The following MED12L variants were observed in gnomAD, a reference collection of about 807,000 sequenced individuals.
The protein encoded by MED12L is mediator complex subunit 12L, also known as mediator of RNA polymerase II transcription subunit 12-like protein.
In MED12L, 60 loss-of-function variants were observed where a neutral mutation model predicts 281.3. The observed-to-expected ratio is 0.21, with a 90% CI of 0.17 to 0.26. The LOEUF is 0.26. Ranked by LOEUF, MED12L falls within the 10% of genes least tolerant of loss-of-function variation. The probability of loss-of-function intolerance (pLI) is 1.00; values close to 1 mark genes in which losing one functional copy is unlikely to be tolerated. For synonymous variants in MED12L, 974 were observed against 987.2 expected (o/e 0.99, Z 0.25); for missense variants, 2,146 against 2,680.9 (o/e 0.80, Z 4.41).
intron 16 of MED12L, among the ~76,000 whole-genome samples, chr3:151,195,167 T>G (rs546136527): frequency 6.6e-6 from 1 of 152,162 alleles, no homozygotes; most frequent in South Asian, 2.1e-4. Flanking sequence ...TGTCTCAAAA[T>G]AGAAAAAGTA....
rs187557159 is a variant in MED12L, at chr3:151,115,505, C to T, written c.100-833C>T. Among the ~76,000 whole-genome samples the T allele has an allele frequency of 4.4e-4, 67 of 151,478 alleles. No individual in the cohort carries two copies. In the East Asian group the frequency reaches 8.8e-3, roughly 20 times the overall value. ...CTGGGATCACAGGCACCTGCCACCA[C>T]GCCCAGCTAATTTTTGTTTTTAGTA... On this transcript the variant is annotated intron_variant, in intron 2 of 44. Coordinates refer to ENST00000687756, the MANE Select transcript of MED12L (RefSeq NM_001393769.1).
intron 14 of MED12L, among the ~76,000 whole-genome samples, chr3:151,191,524 A>G (rs1428077880): frequency 6.6e-6 from 1 of 152,192 alleles, no homozygotes; most frequent in Non-Finnish European, 1.5e-5. Context: ...ATTGTTCCAG[A>G]TACTTACTGA....
intron 39 of MED12L, among the ~76,000 whole-genome samples, chr3:151,403,905 A>G (rs1715992468): frequency 6.6e-6 from 1 of 152,210 alleles, no homozygotes; most frequent in African/African-American, 2.4e-5. Flanking sequence ...CTTTTCTGAA[A>G]AGACTCAGTT....
In MED12L at chr3:151,190,832, T is replaced by C; in HGVS notation, c.1869T>C (p.Ser623=). ...ACGCATACATGTGTACCCTCATATC[T>C]CGAGGAGATTTGTCAGTCACTGCCT... ...SHDAYMCTLI[S]RGDLSVTAST... is the part of the protein sequence containing the mutation. The change falls in exon 14 of 45, where the codon TCT becomes TCC. Residue 623 remains serine, a synonymous_variant. Coordinates refer to ENST00000687756, the MANE Select transcript of MED12L (RefSeq NM_001393769.1). The C allele has an allele frequency of 6.2e-7, 1 of 1,614,174 alleles. No homozygotes were observed. The highest frequency in any genetic ancestry group is 8.5e-7 in the Non-Finnish European group (1 of 1,180,028).
At chr3:151,355,762 A>G in intron 18 of MED12L, 134 bp from the exon 19 acceptor site, 1 of 663,040 alleles carries the variant, frequency 1.5e-6, no homozygotes, top group Non-Finnish European at 2.4e-6. Context: ...TAGTTTCTAT[A>G]GAAACACGTT....
intron 16 of MED12L, among the ~76,000 whole-genome samples, chr3:151,225,380 A>G (rs1730285781): frequency 6.6e-6 from 1 of 152,198 alleles, no homozygotes; most frequent in Non-Finnish European, 1.5e-5. Context: ...CTGAAGCTCA[A>G]GATGGAGGGG....
chr3:151,365,308 C>G (rs528197322), intron 22 of MED12L, 102 bp downstream of exon 22: 40 of 916,926 alleles, frequency 4.4e-5, no homozygotes, highest in Admixed American at 8.6e-5. Flanking sequence ...TCACATTTGG[C>G]TATCATTTGC....
chr3:151,432,746 C>G lies in MED12L; in HGVS notation c.6491-6C>G, dbSNP rs758337755. 6.2e-7 allele frequency: 1 copy of G among 1,611,792 alleles called. No individual in the cohort carries two copies. Reference sequence around the variant, plus strand: ...TAATTTTGGTTCAATTTATTTTTCTCCTTAGGCAACCAGCCACAGCAAGGA... The same window carrying G: ...TAATTTTGGTTCAATTTATTTTTCTGCTTAGGCAACCAGCCACAGCAAGGA... On this transcript the variant is annotated splice_polypyrimidine_tract_variant and splice_region_variant and intron_variant, in intron 44 of 44. Coordinates refer to ENST00000687756, the MANE Select transcript of MED12L (RefSeq NM_001393769.1).
At position 151,191,074 on chromosome 3, in the gene MED12L, G is replaced by A. The variant is rs920061711; in HGVS notation, c.1968+143G>A. The A allele has an allele frequency of 5.9e-6, 4 of 676,708 alleles. No homozygotes were observed. In the Admixed American group the frequency reaches 8.7e-5, roughly 15 times the overall value. 41.9% of individuals were successfully genotyped at this position (676,708 alleles called of 1,614,324 possible). On this transcript the variant is annotated intron_variant, in intron 14 of 44. Transcript: ENST00000687756. The stretch of plus-strand genomic sequence containing the variant: ...CAGTGGTTGTTTATCTCTACTTCTC[G>A]AGCAGGAAAGATATTTACACTGTAG...
At chr3:151,383,049 T>C (rs577101005) in intron 33 of MED12L, among the ~76,000 whole-genome samples, 2 of 152,250 alleles carry the variant, frequency 1.3e-5, no homozygotes, top group African/African-American at 2.4e-5. Context: ...AAGACTGTTA[T>C]AAGTGTTAGC....
chr3:151,403,840 C>T (rs1293264599), intron 39 of MED12L, among the ~76,000 whole-genome samples: 2 of 152,100 alleles, frequency 1.3e-5, no homozygotes, highest in Non-Finnish European at 2.9e-5. Flanking sequence ...TTATTTAATA[C>T]TTGTTGTATA....
At chr3:151,212,952 CTTT>C in intron 16 of MED12L, 1 of 154,980 alleles carries the variant, frequency 6.5e-6, no homozygotes, top group Admixed American at 6.5e-5. Flanking sequence ...AGTGAGTTGT[CTTT>C]GATTATGTTG....
intron 39 of MED12L, among the ~76,000 whole-genome samples, chr3:151,405,187 A>G (rs1309081081): frequency 2.0e-5 from 3 of 152,232 alleles, no homozygotes; most frequent in Non-Finnish European, 4.4e-5. Flanking sequence ...AATTTTAGAA[A>G]GTACATATTT....
intron 16 of MED12L, chr3:151,214,112 C>A (rs373688411): frequency 6.2e-7 from 1 of 1,613,966 alleles, no homozygotes; most frequent in Non-Finnish European, 8.5e-7. Context: ...AGGCTCATCA[C>A]AAAGTCAGCA....
At chr3:151,384,619 A>T (rs558832041) in intron 35 of MED12L, 1 of 190,708 alleles carries the variant, frequency 5.2e-6, no homozygotes. Flanking sequence ...TTAAAAAAAA[A>T]TTGTAAGAAA....
chr3:151,202,356 T>C (rs1725724650), intron 16 of MED12L, among the ~76,000 whole-genome samples: 1 of 152,204 alleles, frequency 6.6e-6, no homozygotes, highest in Non-Finnish European at 1.5e-5. Context: ...GTAGTTTGGA[T>C]AGAGTGCCCA....
intron 32 of MED12L, among the ~76,000 whole-genome samples, chr3:151,381,944 C>G (rs1393336288): frequency 6.6e-6 from 1 of 152,162 alleles, no homozygotes; most frequent in Non-Finnish European, 1.5e-5. Flanking sequence ...GACCATATTT[C>G]AGAGCATGAT....
chr3:151,170,846 A>G (rs1721335089), intron 11 of MED12L, among the ~76,000 whole-genome samples: 1 of 152,090 alleles, frequency 6.6e-6, no homozygotes. Context: ...TGCTATGTAT[A>G]AGGCAGCCTG....
chr3:151,214,240 G>A (rs1310821990), intron 16 of MED12L: 2 of 1,613,836 alleles, frequency 1.2e-6, no homozygotes, highest in African/African-American at 2.7e-5. Context: ...GTACAGCACA[G>A]GAATGATCTG....
Sources: gnomAD v4.1 joint callset for allele counts (sites outside exome capture counted in the v4.1 genomes callset) on GRCh38, gnomAD v4.1.1 for gene constraint, MANE v1.5 for transcripts, NCBI Gene and HGNC (gene_info 2026-07-23, HGNC 2026-07-21) for gene names.